The following NRG3 variants were observed in gnomAD, a reference collection of about 807,000 sequenced individuals.
NRG3 encodes neuregulin 3, also known as pro-neuregulin-3, membrane-bound isoform.
NRG3 carries 31 observed loss-of-function variants against 66.9 expected under a neutral mutation model. The ratio of observed to expected loss-of-function variants is 0.46; its 90% CI spans 0.35 to 0.63. The LOEUF (loss-of-function observed/expected upper bound fraction) is 0.63. Ranked by LOEUF, NRG3 falls within the 20% of genes least tolerant of loss-of-function variation. The probability of loss-of-function intolerance (pLI) is 0.00; values close to 1 mark genes in which losing one functional copy is unlikely to be tolerated. For synonymous variants in NRG3, 393 were observed against 359.4 expected (o/e 1.09, Z -1.06); for missense variants, 910 against 878.9 (o/e 1.04, Z -0.45).
intron 1 of NRG3, chr10:82,340,910 G>T (rs1005007689): frequency 6.6e-6 from 1 of 152,076 alleles, no homozygotes; most frequent in African/African-American, 2.4e-5. Context: ...ATTAGAAAAT[G>T]TAAGACCTAT....
intron 3 of NRG3, among the ~76,000 whole-genome samples, chr10:82,842,325 T>C (rs541086914): frequency 6.6e-6 from 1 of 152,366 alleles, no homozygotes; most frequent in African/African-American, 2.4e-5. Context: ...TGATGCCTCA[T>C]ACAGAACTTG....
At chr10:82,212,890 G>T (rs2075471357) in intron 1 of NRG3, among the ~76,000 whole-genome samples, 1 of 152,110 alleles carries the variant, frequency 6.6e-6, no homozygotes, top group Non-Finnish European at 1.5e-5. Flanking sequence ...TAAATATATT[G>T]CAAGTCCTAA....
chr10:82,864,551 A>C (rs1444200754), intron 3 of NRG3, among the ~76,000 whole-genome samples: 1 of 152,198 alleles, frequency 6.6e-6, no homozygotes, highest in Non-Finnish European at 1.5e-5. Context: ...ATGTTAATTA[A>C]TGCAATGAAT....
At chr10:82,654,383 G>A (rs1041475506) in intron 2 of NRG3, among the ~76,000 whole-genome samples, 1 of 152,160 alleles carries the variant, frequency 6.6e-6, no homozygotes, top group South Asian at 2.1e-4. Context: ...CCAATAAAAT[G>A]AGCAGGAATA....
chr10:81,923,921 GA>G (rs1428644702), intron 1 of NRG3, among the ~76,000 whole-genome samples: 1 of 152,192 alleles, frequency 6.6e-6, no homozygotes, highest in Non-Finnish European at 1.5e-5. Context: ...TGAGCATGTA[GA>G]AACAGGCTGC....
chr10:82,163,142 A>G (rs746193523), intron 1 of NRG3, among the ~76,000 whole-genome samples: 3 of 152,182 alleles, frequency 2.0e-5, no homozygotes, highest in Non-Finnish European at 2.9e-5. Flanking sequence ...TAATTAACCT[A>G]TGGAGTCTTC....
chr10:82,514,165 T>G (rs1449197463), intron 2 of NRG3, among the ~76,000 whole-genome samples: 1 of 152,236 alleles, frequency 6.6e-6, no homozygotes, highest in Non-Finnish European at 1.5e-5. Flanking sequence ...AATAATTTCT[T>G]TTGCTGTGCA....
intron 4 of NRG3, among the ~76,000 whole-genome samples, chr10:82,918,418 A>T (rs1846096212): frequency 6.6e-6 from 1 of 152,184 alleles, no homozygotes; most frequent in Admixed American, 6.5e-5. Flanking sequence ...ACAAACCACA[A>T]GGTTATTTTG....
At chr10:82,600,684 G>A (rs995150616) in intron 2 of NRG3, among the ~76,000 whole-genome samples, 2 of 152,064 alleles carry the variant, frequency 1.3e-5, no homozygotes, top group African/African-American at 4.8e-5. Flanking sequence ...TGGCCAGGCT[G>A]GTCTCGAACT....
intron 3 of NRG3, among the ~76,000 whole-genome samples, chr10:82,829,737 T>A (rs1238381574): frequency 2.6e-5 from 4 of 152,186 alleles, no homozygotes; most frequent in African/African-American, 9.7e-5. Context: ...ATTCAGGTTT[T>A]TGTTTGGTTG....
At chr10:81,880,584 C>G (rs995990245) in intron 1 of NRG3, among the ~76,000 whole-genome samples, 1 of 152,146 alleles carries the variant, frequency 6.6e-6, no homozygotes, top group Non-Finnish European at 1.5e-5. Flanking sequence ...AGCCCTTCCT[C>G]CCCTTTGTAC....
chr10:81,993,717 A>G lies in NRG3; in HGVS notation c.823+117554A>G, dbSNP rs553285433. On this transcript the variant is annotated intron_variant, in intron 1 of 8. Transcript: ENST00000372141. ...AAGTCTACAAGTTCAAACTACTTTC[A>G]TTAAAAGAGAACCATAGTTACAATA... 1.6e-4 allele frequency among the ~76,000 whole-genome samples: 24 copies of G among 152,322 alleles called. No homozygotes were observed. In the South Asian group the frequency reaches 3.1e-3, roughly 20 times the overall value.
Position 82,116,724 on chromosome 10 carries a change from G to A in NRG3, c.823+240561G>A, listed in dbSNP as rs552782466. Among the ~76,000 whole-genome samples the A allele has an allele frequency of 2.6e-5, 4 of 152,202 alleles. No individual in the cohort carries two copies. The South Asian group carries it at 6.2e-4, about 24-fold the overall frequency. ...TCTTCCTAATGGTCCATGGCAGGACGCCCAAGTGAATCTTTGTGTCTGGGA... is the reference window on the plus strand; with the variant it reads ...TCTTCCTAATGGTCCATGGCAGGACACCCAAGTGAATCTTTGTGTCTGGGA... On this transcript the variant is annotated intron_variant, in intron 1 of 8. Coordinates refer to ENST00000372141, the MANE Select transcript of NRG3 (RefSeq NM_001010848.4).
rs986331215 is a variant in NRG3, at chr10:81,991,351, G to A, written c.823+115188G>A. Among the ~76,000 whole-genome samples the A allele has an allele frequency of 5.9e-5, 9 of 152,248 alleles. No individual in the cohort carries two copies. The South Asian group carries it at 1.9e-3, about 32-fold the overall frequency. ...CATGATATAACAAGTATAAATTGTA[G>A]ATCATAGAACTTGGCACCTAGTAAG... On this transcript the variant is annotated intron_variant, in intron 1 of 8. Transcript: ENST00000372141.
At chr10:82,089,507 G>A (rs74750704) in intron 1 of NRG3, among the ~76,000 whole-genome samples, 320 of 152,260 alleles carry the variant, frequency 2.1e-3, no homozygotes, top group African/African-American at 7.6e-3. Flanking sequence ...AGCAGCCAGG[G>A]GGTGGAGTGG....
At chr10:82,567,462 A>T (rs2045479895) in intron 2 of NRG3, among the ~76,000 whole-genome samples, 1 of 151,980 alleles carries the variant, frequency 6.6e-6, no homozygotes, top group South Asian at 2.1e-4. Context: ...GGGTATAAAG[A>T]ATGTATTATA....
chr10:82,608,075 A>G (rs1214099084), intron 2 of NRG3, among the ~76,000 whole-genome samples: 5 of 152,112 alleles, frequency 3.3e-5, no homozygotes, highest in African/African-American at 9.7e-5. Flanking sequence ...GACTTATACC[A>G]TGTAAGTTTC....
chr10:82,411,879 G>A (rs888585164), intron 2 of NRG3, among the ~76,000 whole-genome samples: 1 of 152,040 alleles, frequency 6.6e-6, no homozygotes, highest in African/African-American at 2.4e-5. Flanking sequence ...TTCTGGCAGA[G>A]CAGTAATAGA....
intron 1 of NRG3, among the ~76,000 whole-genome samples, chr10:81,893,395 C>T (rs1263076377): frequency 6.6e-6 from 1 of 151,862 alleles, no homozygotes; most frequent in African/African-American, 2.4e-5. Context: ...GCTTCGAGTT[C>T]GTCATTATTA....
Sources: gnomAD v4.1 joint callset for allele counts (sites outside exome capture counted in the v4.1 genomes callset) on GRCh38, gnomAD v4.1.1 for gene constraint, MANE v1.5 for transcripts, NCBI Gene and HGNC (gene_info 2026-07-23, HGNC 2026-07-21) for gene names.